The following ARSG variants were observed in gnomAD, a reference collection of about 807,000 sequenced individuals.
The protein encoded by ARSG is arylsulfatase G.
ARSG carries 37 observed loss-of-function variants against 50.5 expected under a neutral mutation model. The ratio of observed to expected loss-of-function variants is 0.73; its 90% confidence interval spans 0.56 to 0.96. ARSG has a LOEUF of 0.96. ARSG is among the 50% of genes least tolerant of loss of function. The pLI is 0.00. For missense variants in ARSG, 629 were observed against 675.3 expected (o/e 0.93, Z 0.76); for synonymous variants, 225 against 254.6 (o/e 0.88, Z 1.11).
At chr17:68,359,007 C>G (rs2079161863) in intron 6 of ARSG, among the ~76,000 whole-genome samples, 1 of 151,840 alleles carries the variant, frequency 6.6e-6, no homozygotes, top group Admixed American at 6.6e-5. Flanking sequence ...ACTAAAAATA[C>G]AAAAAATTAG....
chr17:68,383,658 C>T (rs577416983), intron 8 of ARSG, among the ~76,000 whole-genome samples: 1 of 152,334 alleles, frequency 6.6e-6, no homozygotes, highest in East Asian at 1.9e-4. Flanking sequence ...ATAAGTCATA[C>T]ATTCCAAAGC....
chr17:68,348,953 T>C (rs1338605553), intron 4 of ARSG, among the ~76,000 whole-genome samples: 1 of 152,174 alleles, frequency 6.6e-6, no homozygotes, highest in Admixed American at 6.6e-5. Context: ...GTGGTTGGCA[T>C]AGACCTGTGG....
chr17:68,388,787 T>C (rs1172714566), intron 9 of ARSG, among the ~76,000 whole-genome samples: 1 of 151,490 alleles, frequency 6.6e-6, no homozygotes, highest in Non-Finnish European at 1.5e-5. Context: ...TAGCCGGGCG[T>C]GGTGGCGCGT....
downstream of ARSG, among the ~76,000 whole-genome samples, chr17:68,425,564 G>A (rs1262862799): frequency 6.6e-6 from 1 of 151,968 alleles, no homozygotes; most frequent in Non-Finnish European, 1.5e-5. Context: ...GGAGGTGCGG[G>A]TCTGCCGGCC....
chr17:68,396,309 A>T (rs920225652), intron 10 of ARSG, among the ~76,000 whole-genome samples: 1 of 152,104 alleles, frequency 6.6e-6, no homozygotes, highest in Admixed American at 6.5e-5. Context: ...GAGCCACTGT[A>T]TCCGACCTGC....
chr17:68,318,378 A>G (rs569471325), intron 2 of ARSG, among the ~76,000 whole-genome samples: 1 of 152,348 alleles, frequency 6.6e-6, no homozygotes, highest in East Asian at 1.9e-4. Flanking sequence ...AACAAGTGAC[A>G]TTATTTCTTG....
upstream of ARSG, among the ~76,000 whole-genome samples, chr17:68,289,199 G>T (rs2075910049): frequency 6.6e-6 from 1 of 152,106 alleles, no homozygotes; most frequent in South Asian, 2.1e-4. Context: ...ATTAAAAAAT[G>T]AGGTGGGAGG....
intron 2 of ARSG, among the ~76,000 whole-genome samples, chr17:68,330,209 CAA>C (rs553349680): frequency 7.7e-6 from 1 of 129,888 alleles, no homozygotes. Flanking sequence ...GGCTCCATCT[CAA>C]AAAAAAAAAG....
chr17:68,291,913 C>T (rs1484823921), intron 1 of ARSG, among the ~76,000 whole-genome samples: 1 of 151,820 alleles, frequency 6.6e-6, no homozygotes, highest in African/African-American at 2.4e-5. Context: ...GCGCGGCGCT[C>T]GCGGCTGCGG....
At chr17:68,401,530 G>A in intron 11 of ARSG, 80 bp downstream of exon 11, 1 of 1,323,268 alleles carries the variant, frequency 7.6e-7, no homozygotes, top group Non-Finnish European at 1.1e-6. Context: ...CAGGCCTCTG[G>A]GAATGAGTGT....
intron 2 of ARSG, among the ~76,000 whole-genome samples, chr17:68,322,639 TA>T (rs72085510): frequency 0.25 from 35,123 of 138,386 alleles, 4,260 homozygotes; most frequent in Middle Eastern, 0.35. Flanking sequence ...AAAAAAAAAT[TA>T]AAAAAAAAAG....
At chr17:68,360,135 G>T (rs1034044216) in intron 6 of ARSG, among the ~76,000 whole-genome samples, 1 of 152,178 alleles carries the variant, frequency 6.6e-6, no homozygotes, top group African/African-American at 2.4e-5. Flanking sequence ...CCATTAAAGG[G>T]CAAATCAACC....
chr17:68,389,760 C>A (rs2080904012), intron 9 of ARSG, among the ~76,000 whole-genome samples: 3 of 152,094 alleles, frequency 2.0e-5, no homozygotes. Flanking sequence ...AGATCAGATC[C>A]ACCTTTTTTC....
chr17:68,270,850 G>A lies in ARSG; in HGVS notation c.-552+11424G>A, dbSNP rs1555748247. ...TGTATTTAAATTACCTGCAAGGGGC[G>A]GTCCAGCCAGTCCTGCTATGCTCTG... On this transcript the variant is annotated intron_variant, in intron 1 of 11. Transcript: ENST00000448504. 6.2e-7 allele frequency: 1 copy of A among 1,609,326 alleles called. No individual in the cohort carries two copies. The highest frequency in any genetic ancestry group is 8.5e-7 in the Non-Finnish European group (1 of 1,177,468).
intron 1 of ARSG, chr17:68,278,317 T>A (rs1568412217): frequency 6.2e-7 from 1 of 1,609,756 alleles, no homozygotes; most frequent in Non-Finnish European, 8.5e-7. Context: ...TTATTTTGGG[T>A]CATTCTTAAT....
rs148885157 is a variant in ARSG, at chr17:68,271,178, G to A, written c.-552+11752G>A. ...ATCGTAGATAATAAAAAAGCAGCGC[G>A]GTCCTGGTCAATGCCCAGACTAATG... On this transcript the variant is annotated intron_variant, in intron 1 of 11. Coordinates refer to the ARSG transcript ENST00000448504. The surrounding 1 kb of genome is among the most constrained non-coding windows in gnomAD (Gnocchi z 5.3). The A allele has an allele frequency of 1.2e-6, 2 of 1,613,870 alleles. No homozygotes were observed. Among genetic ancestry groups the A allele is most frequent in the Non-Finnish European group, 1.7e-6 (2 of 1,180,034 alleles).
At chr17:68,325,078 C>T (rs540003489) in intron 2 of ARSG, among the ~76,000 whole-genome samples, 1 of 152,286 alleles carries the variant, frequency 6.6e-6, no homozygotes, top group East Asian at 1.9e-4. Flanking sequence ...TGTACCAGTC[C>T]ATGACTTGTT....
chr17:68,448,745 G>A, the ARSG span, among the ~76,000 whole-genome samples: 97 of 152,168 alleles, frequency 6.4e-4, no homozygotes, highest in African/African-American at 2.2e-3. Flanking sequence ...CCTTGTATAC[G>A]GATTACTACT....
chr17:68,309,130 A>G (rs995807314), intron 2 of ARSG, among the ~76,000 whole-genome samples: 20 of 152,012 alleles, frequency 1.3e-4, no homozygotes, highest in African/African-American at 4.8e-4. Context: ...GACCTAGTAC[A>G]CCCTCCGCAG....
Sources: allele counts gnomAD v4.1 joint callset (sites outside exome capture counted in the v4.1 genomes callset), GRCh38; gene constraint gnomAD v4.1.1; non-coding constraint Gnocchi (gnomAD v3.1); transcripts MANE v1.5; gene names NCBI Gene and HGNC (gene_info 2026-07-23, HGNC 2026-07-21).